C1S: variants seen among roughly 807,000 people sequenced by gnomAD.
The protein encoded by C1S is complement C1s, also known as complement C1s subcomponent.
C1S carries 31 observed loss-of-function variants against 54.0 expected under a neutral mutation model. That is an observed-to-expected ratio of 0.57 (90% CI 0.43 to 0.78). C1S has a LOEUF of 0.78. Among genes scored for constraint, C1S ranks in the 30% least tolerant of loss-of-function variants. The pLI, the probability that C1S is intolerant of heterozygous loss-of-function variation, is 0.00. For missense variants in C1S, 727 were observed against 851.8 expected (o/e 0.85, Z 1.82); for synonymous variants, 292 against 303.6 (o/e 0.96, Z 0.40).
In C1S at chr12:7,062,270, C is replaced by CAAAAAAAA. The variant is rs373096669; in HGVS notation, c.6-196_6-189dup. The CAAAAAAAA allele has an allele frequency of 2.2e-4, 99 of 446,172 alleles. 2 individuals are homozygous for CAAAAAAAA. Among genetic ancestry groups the CAAAAAAAA allele is most frequent in the South Asian group, 2.8e-4 (13 of 46,118 alleles). 27.6% of individuals were successfully genotyped at this position (446,172 alleles called of 1,614,324 possible). ...TGGGTGACAGAGTGAGAACCTGTCT[C>CAAAAAAAA]AAAAAAAAAAAAAAAAGGGCTCTTG... On this transcript the variant is annotated intron_variant, in intron 2 of 11. Transcript: ENST00000360817.
intron 10 of C1S, among the ~76,000 whole-genome samples, chr12:7,068,116 C>T (rs1448732962): frequency 6.6e-6 from 1 of 152,202 alleles, no homozygotes; most frequent in Non-Finnish European, 1.5e-5. Flanking sequence ...ACTACACTGA[C>T]TGGCTTTCTT....
chr12:7,062,566 C>T lies in C1S; in HGVS notation c.97C>T (p.Pro33Ser), dbSNP rs1358984688. ...GTCCCCTAACTATCCTCAGGCATAT[C>T]CCAGTGAGGTAGAGAAATCTTGGGA... is the stretch of plus-strand genomic sequence containing the variant. ...ILSPNYPQAY[P>S]SEVEKSWDIE... The change falls in exon 3 of 12, where the codon CCC (proline) becomes TCC (serine). Residue 33 changes from proline to serine, a missense_variant. Around this residue, in one of 3 missense-constraint regions of C1S, gnomAD observed 357 missense variants for 365.4 expected, o/e 0.98. Transcript: ENST00000360817. The T allele has an allele frequency of 1.2e-5, 19 of 1,613,474 alleles. No homozygotes were observed. The Admixed American group carries it at 3.2e-4, about 27-fold the overall frequency.
chr12:7,069,439 A>G (rs1037086295), intron 11 of C1S, among the ~76,000 whole-genome samples: 1 of 152,240 alleles, frequency 6.6e-6, no homozygotes, highest in African/African-American at 2.4e-5. Context: ...TGAAGAAGGC[A>G]GAAATCTTTC....
chr12:7,068,324 T>A (rs1041532610), intron 10 of C1S, 132 bp from the exon 11 acceptor site: 479 of 743,216 alleles, frequency 6.4e-4, no homozygotes, highest in Non-Finnish European at 9.8e-4. Context: ...GCTGATTTAA[T>A]CTGATTTACT....
chr12:7,064,355 G>A lies in C1S; in HGVS notation c.480G>A (p.Pro160=), dbSNP rs782374131. The part of the protein sequence containing the change: ...FIGGYFCSCP[P]EYFLHDDMKN... The stretch of plus-strand genomic sequence containing the variant: ...GTGGTTACTTCTGCTCCTGCCCCCC[G>A]GAATATTTCCTCCATGATGACATGA... The change falls in exon 5 of 12, where the codon CCG becomes CCA. Residue 160 remains proline (P), a synonymous_variant. Transcript: ENST00000360817. 1.7e-5 allele frequency: 27 copies of A among 1,613,782 alleles called. No homozygotes were observed. Among genetic ancestry groups the A allele is most frequent in the South Asian group, 9.9e-5 (9 of 91,076 alleles).
intron 7 of C1S, 59 bp from the exon 8 acceptor site, chr12:7,066,431 AGAAAGTGTGAGAATGATGTAAATAGAAT>A: frequency 1.2e-6 from 1 of 812,848 alleles, no homozygotes. Context: ...GGACGATTTT[AGAAAGTGTGAGAATGATGTAAATAGAAT>A]GAGAGTCTTC....
chr12:7,062,243 C>A (rs1271379891), intron 2 of C1S: 2 of 558,858 alleles, frequency 3.6e-6, no homozygotes, highest in Non-Finnish European at 3.1e-6. Context: ...TGCACTCCAG[C>A]CTGGGTGACA....
chr12:7,066,988 G>T, intron 8 of C1S, 51 bp from the exon 9 acceptor site: 1 of 1,382,596 alleles, frequency 7.2e-7, no homozygotes, highest in Non-Finnish European at 1.0e-6. Flanking sequence ...TTTGATTTTG[G>T]TTTCCCATAT....
chr12:7,066,208 A>AC (rs1947174876), intron 7 of C1S: 1 of 609,598 alleles, frequency 1.6e-6, no homozygotes. Flanking sequence ...AATTTAAAAA[A>AC]CAGATAGATT....
At chr12:7,061,585 C>T (rs1021121379) in intron 1 of C1S, 14 of 430,794 alleles carry the variant, frequency 3.2e-5, no homozygotes, top group Admixed American at 1.4e-4. Context: ...AGAAAGTACT[C>T]GATTCCTTTG....
Position 7,062,580 on chromosome 12 carries a change from G to A in C1S, c.111G>A (p.Glu37=). The change falls in exon 3 of 12, where the codon GAG becomes GAA. Residue 37 remains glutamate, a synonymous_variant. Coordinates refer to ENST00000360817, the MANE Select transcript of C1S (RefSeq NM_001734.5). ...NYPQAYPSEV[E]KSWDIEVPEG... ...CTCAGGCATATCCCAGTGAGGTAGA[G>A]AAATCTTGGGACATAGAAGTTCCTG... 1 of 1,614,028 alleles carries A rather than the reference G, an allele frequency of 6.2e-7. No individual in the cohort carries two copies. Among genetic ancestry groups the A allele is most frequent in the Non-Finnish European group, 8.5e-7 (1 of 1,179,900 alleles).
intron 11 of C1S, among the ~76,000 whole-genome samples, chr12:7,069,553 A>T (rs782474776): frequency 6.6e-6 from 1 of 152,190 alleles, no homozygotes; most frequent in Non-Finnish European, 1.5e-5. Context: ...CCCTGCCTCC[A>T]GGGGGGCTGT....
rs782585551 is a variant in C1S, at chr12:7,061,825, C to T, written c.-74-14C>T. The stretch of plus-strand genomic sequence containing the variant: ...GTTTGTCAGACAAATACAGCCAGGC[C>T]TGCCACCCCTTAGGCTCCAAAGTCC... On this transcript the variant is annotated splice_polypyrimidine_tract_variant and intron_variant, in intron 1 of 11. Coordinates refer to ENST00000360817, the MANE Select transcript of C1S (RefSeq NM_001734.5). 2.7e-6 allele frequency: 4 copies of T among 1,468,596 alleles called. No individual in the cohort carries two copies. In the African/African-American group the frequency reaches 5.6e-5, roughly 20 times the overall value. The allele number at this position is 1,468,596 out of a possible 1,614,324, so 91.0% of individuals were successfully genotyped here.
At chr12:7,065,444 C>G (rs1268062200) in intron 6 of C1S, 145 bp downstream of exon 6, 7 of 731,158 alleles carry the variant, frequency 9.6e-6, no homozygotes, top group Admixed American at 4.0e-5. Flanking sequence ...TAGCCTTGAT[C>G]TCTTGGGCTC....
In C1S at chr12:7,067,043, G is replaced by A. The variant is rs782362588; in HGVS notation, c.992G>A (p.Arg331His). ...CLDGFEVVEG[R>H]VGATSFYSTC... Reference sequence around the variant, plus strand: ...GTGATGTTTATTATTCTCCAGGGACGTGTTGGTGCAACATCTTTCTATTCG... The same window carrying A: ...GTGATGTTTATTATTCTCCAGGGACATGTTGGTGCAACATCTTTCTATTCG... Residue 331 changes from arginine (R) to histidine (H), a missense_variant, in exon 9 of 12, where the codon CGT becomes CAT. This residue lies in a region of C1S where 360 missense variants were observed against 453.6 expected (regional missense o/e 0.79). Coordinates refer to ENST00000360817, the MANE Select transcript of C1S (RefSeq NM_001734.5). 12 of 1,609,436 alleles carry A rather than the reference G, an allele frequency of 7.5e-6. No homozygotes were observed. Among genetic ancestry groups the A allele is most frequent in the African/African-American group, 5.3e-5 (4 of 74,836 alleles).
In C1S at chr12:7,062,541, G is replaced by A; in HGVS notation, c.72G>A (p.Leu24=). 6.2e-7 allele frequency: 1 copy of A among 1,613,692 alleles called. No homozygotes were observed. Among genetic ancestry groups the A allele is most frequent in the Non-Finnish European group, 8.5e-7 (1 of 1,179,690 alleles). ...AGCCTACCATGTATGGGGAGATCCTGTCCCCTAACTATCCTCAGGCATATC... is the reference window on the plus strand; with the variant it reads ...AGCCTACCATGTATGGGGAGATCCTATCCCCTAACTATCCTCAGGCATATC... ...YAEPTMYGEI[L]SPNYPQAYPS... The change falls in exon 3 of 12, where the codon CTG becomes CTA. Residue 24 remains leucine, a synonymous_variant. Transcript: ENST00000360817.
intron 4 of C1S, 105 bp downstream of exon 4, chr12:7,063,172 A>C (rs1252742800): frequency 4.3e-6 from 5 of 1,154,778 alleles, no homozygotes; most frequent in Non-Finnish European, 6.3e-6. Flanking sequence ...CGTAATTCTT[A>C]TAAAAAGTGT....
At chr12:7,066,796 G>C in intron 8 of C1S, 163 bp downstream of exon 8, 1 of 711,844 alleles carries the variant, frequency 1.4e-6, no homozygotes, top group South Asian at 1.5e-5. Context: ...GTGAGTCATG[G>C]AGCTGCCTGG....
At chr12:7,061,701 G>A in intron 1 of C1S, 138 bp from the exon 2 acceptor site, 2 of 672,270 alleles carry the variant, frequency 3.0e-6, no homozygotes, top group Admixed American at 2.1e-5. Context: ...GAGGGGCACG[G>A]TGCCATGTGG....
Sources: gnomAD v4.1 joint callset for allele counts (sites outside exome capture counted in the v4.1 genomes callset) on GRCh38, gnomAD v4.1.1 for gene constraint, gnomAD v4.1.1 regional missense constraint, MANE v1.5 for transcripts, NCBI Gene and HGNC (gene_info 2026-07-23, HGNC 2026-07-21) for gene names.